Variants in PSD3 observed in about 807,000 individuals in gnomAD.
PSD3 encodes PH and SEC7 domain-containing protein 3.
Under a neutral mutation model 105.5 loss-of-function variants are expected in PSD3, and 49 were observed. The observed-to-expected ratio is 0.46, with a 90% confidence interval of 0.37 to 0.59. The LOEUF is 0.59. Ranked by LOEUF, PSD3 falls within the 20% of genes least tolerant of loss-of-function variation. PSD3 has a pLI of 0.00. For synonymous variants in PSD3, 557 were observed against 457.8 expected, an observed-to-expected ratio of 1.22 and a Z score of -2.77; for missense variants, 1,561 against 1,263.8, an observed-to-expected ratio of 1.24 and a Z score of -3.57.
intron 15 of PSD3, among the ~76,000 whole-genome samples, chr8:18,547,097 C>T (rs929574275): frequency 3.3e-5 from 5 of 152,126 alleles, no homozygotes; most frequent in African/African-American, 4.8e-5. Context: ...TCTGAGTCCA[C>T]AGTTGTTCCT....
intron 9 of PSD3, among the ~76,000 whole-genome samples, chr8:18,707,636 C>A (rs185011104): frequency 9.3e-4 from 141 of 152,302 alleles, no homozygotes; most frequent in African/African-American, 3.3e-3. Context: ...TGACTGATAA[C>A]ACTCTTGAGG....
intron 11 of PSD3, among the ~76,000 whole-genome samples, chr8:18,608,836 C>G (rs10503619): frequency 6.6e-6 from 1 of 152,090 alleles, no homozygotes; most frequent in East Asian, 1.9e-4. Context: ...GCTATACTCT[C>G]CAACTTTTCT....
chr8:19,056,257 C>A (rs1304389200), intron 1 of PSD3, among the ~76,000 whole-genome samples: 1 of 152,182 alleles, frequency 6.6e-6, no homozygotes, highest in Non-Finnish European at 1.5e-5. Flanking sequence ...GGCCTCCAGG[C>A]AGTTAATGGT....
intron 2 of PSD3, among the ~76,000 whole-genome samples, chr8:18,886,609 G>C (rs1415731744): frequency 6.6e-6 from 1 of 152,174 alleles, no homozygotes; most frequent in African/African-American, 2.4e-5. Context: ...GTTACTCACA[G>C]AGATTACTGT....
intron 14 of PSD3, among the ~76,000 whole-genome samples, chr8:18,565,335 T>C (rs765946510): frequency 8.5e-5 from 13 of 152,154 alleles, no homozygotes; most frequent in African/African-American, 3.1e-4. Flanking sequence ...AAAACTTGTA[T>C]TTTCAAACAA....
rs573668110 is a variant in PSD3 at position 18,867,854 on chromosome 8, C to A, written c.1454G>T (p.Arg485Leu). ...EMPLTPMIQQ[R>L]IKEGGQFLER... ...CAAGAACTGACCACCTTCTTTAATG[C>A]GCTGTTGTATCATTGGAGTGAGGGG... The change falls in exon 4 of 16, where the codon CGC (arginine) becomes CTC (leucine). Residue 485 changes from arginine to leucine, a missense_variant. Coordinates refer to ENST00000327040, the MANE Select transcript of PSD3 (RefSeq NM_015310.4). The A allele has an allele frequency of 1.9e-6, 3 of 1,614,008 alleles. No homozygotes were observed. The African/African-American group carries it at 4.0e-5, about 22-fold the overall frequency.
chr8:18,684,476 G>C (rs1474216940), intron 9 of PSD3, among the ~76,000 whole-genome samples: 1 of 152,112 alleles, frequency 6.6e-6, no homozygotes, highest in Non-Finnish European at 1.5e-5. Context: ...AATATGGATG[G>C]ACGTCAAAAG....
In PSD3 at chr8:18,702,317, T is replaced by C. The variant is rs576658710; in HGVS notation, c.2173-46632A>G. Among the ~76,000 whole-genome samples, 20 of 152,354 alleles carry C rather than the reference T, an allele frequency of 1.3e-4. No individual in the cohort carries two copies. The South Asian group carries it at 4.1e-3, about 32-fold the overall frequency. On this transcript the variant is annotated intron_variant, in intron 9 of 15. Coordinates refer to ENST00000327040, the MANE Select transcript of PSD3 (RefSeq NM_015310.4). ...GGAAATTTTTTGGTGTGTGTTTATG[T>C]ACATAGGTAACCTACTTTATGGGTT... is the stretch of plus-strand genomic sequence containing the variant.
intron 2 of PSD3, among the ~76,000 whole-genome samples, chr8:18,886,692 A>T (rs1818470089): frequency 7.2e-5 from 11 of 152,230 alleles, no homozygotes; most frequent in Admixed American, 7.2e-4. Context: ...AAGTTAGCTT[A>T]AAAAGAAGCA....
chr8:18,893,747 T>C (rs1439441989), intron 2 of PSD3, among the ~76,000 whole-genome samples: 1 of 145,090 alleles, frequency 6.9e-6, no homozygotes, highest in Non-Finnish European at 1.6e-5. Context: ...TCTGGCCAAC[T>C]AAAGGAAAGG....
intron 4 of PSD3, among the ~76,000 whole-genome samples, chr8:18,821,807 G>A (rs1165938189): frequency 3.6e-5 from 4 of 109,678 alleles, no homozygotes; most frequent in African/African-American, 7.1e-5. Context: ...TCATAATTTA[G>A]CCTCTCACTT....
At chr8:19,067,975 A>T (rs1362432315) in intron 1 of PSD3, among the ~76,000 whole-genome samples, 1 of 152,196 alleles carries the variant, frequency 6.6e-6, no homozygotes, top group African/African-American at 2.4e-5. Context: ...AGTCAGGCAC[A>T]TGGGAAGTGA....
At chr8:18,540,553 TTCAG>T (rs1389654816) in intron 15 of PSD3, among the ~76,000 whole-genome samples, 1 of 152,150 alleles carries the variant, frequency 6.6e-6, no homozygotes, top group Non-Finnish European at 1.5e-5. Context: ...CTCACATCCT[TTCAG>T]TCAGCAGGTT....
intron 9 of PSD3, among the ~76,000 whole-genome samples, chr8:18,742,412 A>G (rs1804645453): frequency 6.6e-6 from 1 of 152,224 alleles, no homozygotes; most frequent in Non-Finnish European, 1.5e-5. Flanking sequence ...AGAACTTCAG[A>G]ATGACACAGG....
chr8:18,593,738 T>G (rs1292654367), intron 12 of PSD3, among the ~76,000 whole-genome samples: 1 of 151,890 alleles, frequency 6.6e-6, no homozygotes, highest in Non-Finnish European at 1.5e-5. Flanking sequence ...TGTCCATCAG[T>G]GATAGACTGG....
chr8:19,084,136 A>G, intron 1 of PSD3: 3 of 376,724 alleles, frequency 8.0e-6, no homozygotes, highest in Non-Finnish European at 1.6e-5. Flanking sequence ...CAGAAATTGG[A>G]GGCCAGGGTG....
intron 9 of PSD3, among the ~76,000 whole-genome samples, chr8:18,702,463 T>C (rs1341059276): frequency 6.6e-6 from 1 of 152,252 alleles, no homozygotes; most frequent in Non-Finnish European, 1.5e-5. Flanking sequence ...GTACGTACTT[T>C]AGGGGTATGT....
intron 1 of PSD3, among the ~76,000 whole-genome samples, chr8:19,025,009 G>T (rs1324228712): frequency 1.3e-5 from 2 of 152,128 alleles, no homozygotes; most frequent in Non-Finnish European, 2.9e-5. Context: ...AGTCATAGCA[G>T]AACAGAAAAT....
chr8:18,867,024 A>G (rs373114748), intron 4 of PSD3, among the ~76,000 whole-genome samples: 1 of 152,188 alleles, frequency 6.6e-6, no homozygotes, highest in African/African-American at 2.4e-5. Context: ...GAATCCCCAA[A>G]TAACAGGCAT....
Sources: gnomAD v4.1 joint callset for allele counts (sites outside exome capture counted in the v4.1 genomes callset) on GRCh38, gnomAD v4.1.1 for gene constraint, MANE v1.5 for transcripts, NCBI Gene and HGNC (gene_info 2026-07-23, HGNC 2026-07-21) for gene names.